MCTP2: variants seen among roughly 807,000 people sequenced by gnomAD.
The protein encoded by MCTP2 is multiple C2 and transmembrane domain containing 2, also known as multiple C2 and transmembrane domain-containing protein 2.
In MCTP2, 132 loss-of-function variants were observed where a neutral mutation model predicts 111.6. The observed-to-expected ratio is 1.18, with a 90% confidence interval of 1.03 to 1.37. The LOEUF (loss-of-function observed/expected upper bound fraction) is 1.37. Ranked by LOEUF, MCTP2 falls within the 40% of genes most tolerant of loss-of-function variation. The probability of loss-of-function intolerance (pLI) is 0.00; values close to 1 mark genes in which losing one functional copy is unlikely to be tolerated. For missense variants in MCTP2, 1,183 were observed against 1,067.9 expected (o/e 1.11, Z -1.50); for synonymous variants, 395 against 387.7 (o/e 1.02, Z -0.22).
intron 12 of MCTP2, among the ~76,000 whole-genome samples, chr15:94,373,139 ACGT>A (rs2079576094): frequency 6.6e-6 from 1 of 152,170 alleles, no homozygotes; most frequent in African/African-American, 2.4e-5. Flanking sequence ...AATTTTAAAG[ACGT>A]CCACCTCTTT....
rs912583933 is a variant in MCTP2 at position 94,244,823 on chromosome 15, T to C, written c.-66+13159T>C. On this transcript the variant is annotated intron_variant, in intron 1 of 22. Coordinates refer to ENST00000357742, the MANE Select transcript of MCTP2 (RefSeq NM_001385001.1). ...GTTTATATACGTATATGTATACACA[T>C]ATGCACCTATGTTTATATACGTATA... Among the ~76,000 whole-genome samples, 20 of 146,098 alleles carry C rather than the reference T, an allele frequency of 1.4e-4. 1 individual carries two copies. Among genetic ancestry groups the C allele is most frequent in the Non-Finnish European group, 1.1e-4 (7 of 66,306 alleles).
chr15:94,329,227 T>C (rs1165375185), intron 4 of MCTP2, among the ~76,000 whole-genome samples: 2 of 152,054 alleles, frequency 1.3e-5, no homozygotes, highest in Admixed American at 1.3e-4. Flanking sequence ...GCCTTTAGAG[T>C]GAAAACAATC....
At chr15:94,445,934 A>G (rs971400542) in intron 19 of MCTP2, among the ~76,000 whole-genome samples, 4 of 152,224 alleles carry the variant, frequency 2.6e-5, no homozygotes, top group African/African-American at 9.6e-5. Flanking sequence ...GGAAGATAAA[A>G]GCGTGCCGGG....
At chr15:94,423,541 G>A (rs906729109) in intron 17 of MCTP2, among the ~76,000 whole-genome samples, 12 of 152,096 alleles carry the variant, frequency 7.9e-5, no homozygotes, top group African/African-American at 2.9e-4. Flanking sequence ...ATTTTATGTC[G>A]TTATTTAAAA....
intron 3 of MCTP2, 92 bp downstream of exon 3, chr15:94,314,436 TA>T (rs35800874): frequency 0.18 from 111,008 of 608,368 alleles, 2 homozygotes; most frequent in South Asian, 0.21. Context: ...CTTTTATTGC[TA>T]AAAAAAAAAA....
At chr15:94,413,989 T>C (rs1408725511) in intron 17 of MCTP2, among the ~76,000 whole-genome samples, 1 of 152,180 alleles carries the variant, frequency 6.6e-6, no homozygotes, top group East Asian at 1.9e-4. Context: ...ATAAAACTAA[T>C]TTTCAACTTT....
intron 21 of MCTP2, among the ~76,000 whole-genome samples, chr15:94,471,484 T>C (rs977872234): frequency 6.6e-6 from 1 of 151,956 alleles, no homozygotes; most frequent in Non-Finnish European, 1.5e-5. Context: ...AAAGCCAAAC[T>C]TGGGCAATAG....
At chr15:94,337,424 G>A (rs2077414484) in intron 4 of MCTP2, among the ~76,000 whole-genome samples, 1 of 152,108 alleles carries the variant, frequency 6.6e-6, no homozygotes, top group Non-Finnish European at 1.5e-5. Context: ...ACGCTGACAA[G>A]CATGAAGGCC....
At chr15:94,389,844 T>A (rs1429040813) in intron 14 of MCTP2, among the ~76,000 whole-genome samples, 1 of 151,952 alleles carries the variant, frequency 6.6e-6, no homozygotes, top group Non-Finnish European at 1.5e-5. Flanking sequence ...CAAACTATAT[T>A]TTTAAATGTC....
chr15:94,432,326 C>T (rs1443115166), intron 17 of MCTP2, among the ~76,000 whole-genome samples: 2 of 152,140 alleles, frequency 1.3e-5, no homozygotes, highest in Admixed American at 6.5e-5. Flanking sequence ...ATATAGAGAA[C>T]ATATAGCATT....
chr15:94,460,889 G>A (rs900830528), intron 20 of MCTP2, among the ~76,000 whole-genome samples: 1 of 152,192 alleles, frequency 6.6e-6, no homozygotes, highest in Non-Finnish European at 1.5e-5. Flanking sequence ...GTGGGATGTC[G>A]TGTGTAATTC....
chr15:94,278,119 A>C (rs1016162177), intron 1 of MCTP2: 2 of 152,172 alleles, frequency 1.3e-5, no homozygotes, highest in South Asian at 4.1e-4. Context: ...TTAATTGCCA[A>C]TCAGAATGTC....
chr15:94,466,528 C>G (rs77422398), intron 20 of MCTP2, among the ~76,000 whole-genome samples: 2 of 152,174 alleles, frequency 1.3e-5, no homozygotes, highest in Non-Finnish European at 1.5e-5. Flanking sequence ...TATGTCCACT[C>G]TATGGTACAA....
chr15:94,342,550 G>A (rs1273794257), intron 7 of MCTP2: 1 of 151,578 alleles, frequency 6.6e-6, no homozygotes, highest in African/African-American at 2.4e-5. Flanking sequence ...ACACTATATT[G>A]ATTATATATA....
At chr15:94,458,624 GT>G (rs2084988914) in intron 20 of MCTP2, among the ~76,000 whole-genome samples, 1 of 152,174 alleles carries the variant, frequency 6.6e-6, no homozygotes, top group Non-Finnish European at 1.5e-5. Flanking sequence ...ACAGAACTTA[GT>G]AAATGCCTTG....
At chr15:94,445,632 T>C (rs769978918) in intron 19 of MCTP2, among the ~76,000 whole-genome samples, 8 of 152,192 alleles carry the variant, frequency 5.3e-5, no homozygotes, top group African/African-American at 1.4e-4. Context: ...ATGCTTGTCA[T>C]AGACCAGGAC....
Position 94,367,708 on chromosome 15 carries a change from C to A in MCTP2, c.1405C>A (p.Pro469Thr), listed in dbSNP as rs929475602. ...TCTCCTTATGTTGGTCACACTTACA[C>A]CCTGTGCGGGGGTCTCCGTCTCTGA... The part of the protein sequence containing the change: ...GALLMLVTLT[P>T]CAGVSVSDLC... The change falls in exon 11 of 23, where the codon CCC (proline) becomes ACC (threonine). Residue 469 changes from proline to threonine, a missense_variant. Pro to Thr is a conservative substitution (Grantham distance 38). Transcript: ENST00000357742. The A allele has an allele frequency of 6.2e-7, 1 of 1,610,788 alleles. No individual in the cohort carries two copies. Among genetic ancestry groups the A allele is most frequent in the South Asian group, 1.1e-5 (1 of 90,710 alleles).
chr15:94,345,171 A>G lies in MCTP2; in HGVS notation c.1005+7A>G. ...GCGATTAAGTGCCAGCAAGGTAAAT[A>G]TACTTTTTTTTCCTTTAGATCATTT... On this transcript the variant is annotated splice_region_variant and intron_variant, in intron 8 of 22. Transcript: ENST00000357742. 1 of 1,611,124 alleles carries G rather than the reference A, an allele frequency of 6.2e-7. No individual in the cohort carries two copies. Among genetic ancestry groups the G allele is most frequent in the Non-Finnish European group, 8.5e-7 (1 of 1,178,144 alleles).
chr15:94,232,325 A>G (rs372909310), intron 1 of MCTP2, among the ~76,000 whole-genome samples: 1 of 152,050 alleles, frequency 6.6e-6, no homozygotes, highest in East Asian at 1.9e-4. Context: ...TCTAGTCTGA[A>G]TGAACTTCTG....
Sources: allele counts gnomAD v4.1 joint callset (sites outside exome capture counted in the v4.1 genomes callset), GRCh38; gene constraint gnomAD v4.1.1; transcripts MANE v1.5; gene names NCBI Gene and HGNC (gene_info 2026-07-23, HGNC 2026-07-21).